SCIN: variants seen among roughly 807,000 people sequenced by gnomAD.
SCIN encodes the protein adseverin.
In SCIN, 91 loss-of-function variants were observed where a neutral mutation model predicts 91.8. That is an observed-to-expected ratio of 0.99 (90% CI 0.84 to 1.18). The LOEUF (loss-of-function observed/expected upper bound fraction) is 1.18, where lower values mean the gene tolerates loss of function less well. Ranked by LOEUF, SCIN falls within the 50% of genes most tolerant of loss-of-function variation. SCIN has a pLI of 0.00. For synonymous variants in SCIN, 367 were observed against 312.6 expected (o/e 1.17, Z -1.84); for missense variants, 1,087 against 863.9 (o/e 1.26, Z -3.24).
At chr7:12,629,309 T>A in intron 9 of SCIN, 87 bp downstream of exon 9, 1 of 1,196,600 alleles carries the variant, frequency 8.4e-7, no homozygotes, top group Non-Finnish European at 1.2e-6. Flanking sequence ...TGGGGTAGAA[T>A]AATCCTATAA....
At position 12,651,023 on chromosome 7, in the gene SCIN, A is replaced by G. The variant is rs549914478; in HGVS notation, c.1960-818A>G. On this transcript the variant is annotated intron_variant, in intron 14 of 15. Transcript: ENST00000297029. This position sits in a 1 kb window ranked among gnomAD's most constrained non-coding sequence, Gnocchi z 5.9. ...CAGGTTCACATAAAAATCAGTTGAT[A>G]AAGGGCAGATTAATAGGAGAAAAGG... 3.3e-5 allele frequency among the ~76,000 whole-genome samples: 5 copies of G among 152,334 alleles called. No homozygotes were observed. Among genetic ancestry groups the G allele is most frequent in the Middle Eastern group, 3.4e-3 (1 of 294 alleles).
Position 12,581,100 on chromosome 7 carries a change from A to G in SCIN, c.395A>G (p.Asn132Ser), listed in dbSNP as rs766318683. The G allele has an allele frequency of 3.2e-6, 5 of 1,551,384 alleles. No individual in the cohort carries two copies. Among genetic ancestry groups the G allele is most frequent in the Non-Finnish European group, 4.4e-6 (5 of 1,146,782 alleles). Residue 132 changes from asparagine to serine, a missense_variant, in exon 3 of 16, where the codon AAC becomes AGC. Transcript: ENST00000297029. ...TCTGGATTAAATCATGTTCTTACGA[A>G]CGACCTGACAGCCAAGAGGCTCCTA... ...VASGLNHVLT[N>S]DLTAKRLLHV...
intron 4 of SCIN, among the ~76,000 whole-genome samples, chr7:12,615,518 C>A (rs1387070654): frequency 6.6e-6 from 1 of 152,100 alleles, no homozygotes; most frequent in Non-Finnish European, 1.5e-5. Flanking sequence ...CCCAGCCATG[C>A]GGAACGGAGA....
chr7:12,578,906 C>A, intron 2 of SCIN, among the ~76,000 whole-genome samples: 1 of 57,708 alleles, frequency 1.7e-5, no homozygotes, highest in African/African-American at 1.0e-4. Context: ...CAGTATAGGA[C>A]AGGTTTTTTT....
At chr7:12,626,849 A>C in intron 8 of SCIN, 50 bp downstream of exon 8, 2 of 1,331,276 alleles carry the variant, frequency 1.5e-6, no homozygotes, top group Non-Finnish European at 2.1e-6. Flanking sequence ...CAGTGTATGT[A>C]GGGGGAGGGT....
chr7:12,597,202 C>T (rs548210202), intron 3 of SCIN, among the ~76,000 whole-genome samples: 3 of 152,248 alleles, frequency 2.0e-5, no homozygotes, highest in East Asian at 3.9e-4. Flanking sequence ...AAAAAAGGTT[C>T]GTGGAGTTAT....
intron 3 of SCIN, among the ~76,000 whole-genome samples, chr7:12,590,893 T>C (rs1033611479): frequency 1.3e-5 from 2 of 152,164 alleles, no homozygotes; most frequent in African/African-American, 4.8e-5. Flanking sequence ...TAGGCATATT[T>C]GGAGTCTGTA....
chr7:12,645,300 C>G (rs1396451061), intron 13 of SCIN, among the ~76,000 whole-genome samples: 1 of 152,090 alleles, frequency 6.6e-6, no homozygotes, highest in African/African-American at 2.4e-5. Flanking sequence ...TGTGTTCCAG[C>G]CTGGGCAACA....
intron 9 of SCIN, among the ~76,000 whole-genome samples, chr7:12,635,645 C>T (rs1254652139): frequency 1.6e-5 from 1 of 62,124 alleles, no homozygotes; most frequent in Non-Finnish European, 3.7e-5. Flanking sequence ...AAAAAAAAGG[C>T]AAGAAAGACA....
At chr7:12,594,996 C>T (rs1322808739) in intron 3 of SCIN, among the ~76,000 whole-genome samples, 2 of 151,936 alleles carry the variant, frequency 1.3e-5, no homozygotes, top group African/African-American at 4.8e-5. Flanking sequence ...GGGTCTTTAG[C>T]AGGTTCGGGA....
At chr7:12,643,068 A>G (rs1783888512) in intron 11 of SCIN, among the ~76,000 whole-genome samples, 2 of 152,214 alleles carry the variant, frequency 1.3e-5, no homozygotes, top group South Asian at 4.1e-4. Flanking sequence ...TCAGATGGGA[A>G]AGTCAACCAA....
chr7:12,618,506 G>T (rs1008202452), intron 4 of SCIN, among the ~76,000 whole-genome samples: 54 of 152,096 alleles, frequency 3.6e-4, no homozygotes, highest in African/African-American at 1.2e-3. Context: ...AGGAATAAAG[G>T]TATTTTTGAG....
chr7:12,641,936 A>G (rs770790227), intron 11 of SCIN, among the ~76,000 whole-genome samples: 5 of 152,012 alleles, frequency 3.3e-5, no homozygotes, highest in African/African-American at 7.2e-5. Context: ...ATTTGTCTGC[A>G]TCTGTGTATA....
At chr7:12,608,910 G>T (rs1435090702) in intron 4 of SCIN, among the ~76,000 whole-genome samples, 1 of 152,136 alleles carries the variant, frequency 6.6e-6, no homozygotes, top group Non-Finnish European at 1.5e-5. Flanking sequence ...AATTAAATGA[G>T]CCTGTTTTCA....
chr7:12,646,928 C>T (rs1783976898), intron 13 of SCIN, among the ~76,000 whole-genome samples: 1 of 152,136 alleles, frequency 6.6e-6, no homozygotes, highest in Non-Finnish European at 1.5e-5. Context: ...TTGCTGTATA[C>T]CACAATTTGC....
chr7:12,644,521 A>T, intron 12 of SCIN, 63 bp from the exon 13 acceptor site: 1 of 1,584,850 alleles, frequency 6.3e-7, no homozygotes, highest in Non-Finnish European at 8.6e-7. Context: ...ATTTGTTCAT[A>T]TAAAGCGACA....
intron 3 of SCIN, among the ~76,000 whole-genome samples, chr7:12,586,825 C>T (rs76326491): frequency 0.036 from 5,410 of 152,066 alleles, 346 homozygotes; most frequent in African/African-American, 0.12. Flanking sequence ...GCAAGTCATG[C>T]GCAGAAAGAT....
At chr7:12,573,108 G>A (rs55944503) in intron 1 of SCIN, among the ~76,000 whole-genome samples, 8,280 of 152,120 alleles carry the variant, frequency 0.054, 293 homozygotes, top group South Asian at 0.15. Context: ...TTTCAGATGG[G>A]ATTGCCCAAC....
intron 1 of SCIN, among the ~76,000 whole-genome samples, chr7:12,572,071 C>T (rs116733881): frequency 2.0e-5 from 3 of 152,312 alleles, no homozygotes; most frequent in African/African-American, 4.8e-5. Flanking sequence ...AAAGCCAACA[C>T]TGTAATTTCC....
Sources: gnomAD v4.1 joint callset for allele counts (sites outside exome capture counted in the v4.1 genomes callset) on GRCh38, gnomAD v4.1.1 for gene constraint, Gnocchi (gnomAD v3.1) non-coding constraint, MANE v1.5 for transcripts, NCBI Gene and HGNC (gene_info 2026-07-23, HGNC 2026-07-21) for gene names.